The following ECT2 variants were observed in gnomAD, a reference collection of about 807,000 sequenced individuals.
ECT2 encodes protein ECT2.
A neutral mutation model predicts 116.9 loss-of-function variants in ECT2; 61 were observed. The ratio of observed to expected loss-of-function variants is 0.52; its 90% CI spans 0.42 to 0.65. The LOEUF (loss-of-function observed/expected upper bound fraction) is 0.65, where lower values mean the gene tolerates loss of function less well. ECT2 is among the 30% of genes least tolerant of loss of function. The pLI is 0.00. For missense variants in ECT2, 937 were observed against 1,078.7 expected (o/e 0.87, Z 1.84); for synonymous variants, 358 against 346.4 (o/e 1.03, Z -0.37).
chr3:172,826,815 AG>A, the ECT2 span, among the ~76,000 whole-genome samples: 2 of 152,342 alleles, frequency 1.3e-5, no homozygotes, highest in South Asian at 2.1e-4. Flanking sequence ...TCAAGCTAAA[AG>A]GCATCTTTAC....
At chr3:172,817,693 A>G (rs146610641) in intron 24 of ECT2, among the ~76,000 whole-genome samples, 133 of 152,224 alleles carry the variant, frequency 8.7e-4, no homozygotes, top group African/African-American at 2.1e-3. Context: ...TAATACTACT[A>G]TTACTAAGTA....
chr3:172,752,176 C>T (rs1715998053), intron 1 of ECT2: 2 of 150,380 alleles, frequency 1.3e-5, no homozygotes, highest in Non-Finnish European at 3.0e-5. Context: ...GTTACCTAGA[C>T]TGGAGTGCAG....
intron 24 of ECT2, chr3:172,818,851 G>GAA (rs370074442): frequency 4.9e-6 from 5 of 1,027,162 alleles, no homozygotes; most frequent in East Asian, 1.5e-4. Flanking sequence ...GTATTTGCGG[G>GAA]AAAAAAAAAA....
chr3:172,829,073 C>T, the ECT2 span: 1 of 706,530 alleles, frequency 1.4e-6, no homozygotes, highest in South Asian at 1.4e-5. Flanking sequence ...GATGAACTCT[C>T]TGGGCTATTC....
At chr3:172,763,323 C>CT (rs1718708271) in intron 11 of ECT2, among the ~76,000 whole-genome samples, 1 of 152,188 alleles carries the variant, frequency 6.6e-6, no homozygotes, top group African/African-American at 2.4e-5. Context: ...TAGCCTCGCT[C>CT]TGAGAGACTC....
chr3:172,765,118 A>C (rs929517339), intron 12 of ECT2, among the ~76,000 whole-genome samples: 5 of 152,180 alleles, frequency 3.3e-5, no homozygotes, highest in African/African-American at 9.7e-5. Flanking sequence ...AATTACTTTG[A>C]TCTATTGTCT....
intron 22 of ECT2, among the ~76,000 whole-genome samples, chr3:172,813,068 T>C (rs1729056697): frequency 6.6e-6 from 1 of 152,078 alleles, no homozygotes; most frequent in Non-Finnish European, 1.5e-5. Flanking sequence ...TTCAGTTGTT[T>C]TACAAACGAT....
At chr3:172,826,180 C>T (rs1200564713), downstream of ECT2, among the ~76,000 whole-genome samples, 2 of 152,208 alleles carry the variant, frequency 1.3e-5, no homozygotes, top group African/African-American at 2.4e-5. Flanking sequence ...CAGGTGTGAG[C>T]CACCTCGCCC....
chr3:172,761,280 G>A (rs574376762), intron 7 of ECT2, among the ~76,000 whole-genome samples: 14 of 152,042 alleles, frequency 9.2e-5, no homozygotes, highest in Admixed American at 7.9e-4. Flanking sequence ...TGACTTAGTC[G>A]GATGTCTTCT....
At chr3:172,818,549 T>C (rs1261270971) in intron 24 of ECT2, 1 of 1,272,084 alleles carries the variant, frequency 7.9e-7, no homozygotes, top group Admixed American at 2.5e-5. Flanking sequence ...TTCTAACAGA[T>C]TACCCATTCT....
chr3:172,776,504 CCATCTATTGAGCATTACCA>C (rs1306096583), intron 14 of ECT2, among the ~76,000 whole-genome samples: 2 of 151,970 alleles, frequency 1.3e-5, no homozygotes, highest in East Asian at 3.8e-4. Flanking sequence ...ATGAAGCCAA[CCATCTATTGAGCATTACCA>C]CATCTATTGA....
At chr3:172,773,463 T>C (rs1721038127) in intron 13 of ECT2, among the ~76,000 whole-genome samples, 1 of 152,092 alleles carries the variant, frequency 6.6e-6, no homozygotes, top group Non-Finnish European at 1.5e-5. Context: ...TACAAACAGA[T>C]CTTCTAGCTT....
intron 18 of ECT2, among the ~76,000 whole-genome samples, chr3:172,799,656 T>C (rs1726361074): frequency 6.6e-6 from 1 of 152,226 alleles, no homozygotes; most frequent in South Asian, 2.1e-4. Flanking sequence ...TTCAACCCAG[T>C]TCTAAAATAC....
chr3:172,772,860 A>G (rs1265075052), intron 13 of ECT2, among the ~76,000 whole-genome samples: 1 of 152,160 alleles, frequency 6.6e-6, no homozygotes, highest in East Asian at 1.9e-4. Context: ...CGTTTGTTGA[A>G]AGACTATCCT....
intron 11 of ECT2, among the ~76,000 whole-genome samples, chr3:172,763,739 C>T (rs145648166): frequency 6.6e-6 from 1 of 152,264 alleles, no homozygotes; most frequent in East Asian, 1.9e-4. Flanking sequence ...GGAAGATTTA[C>T]TTCAGTTTAG....
At chr3:172,782,706 T>C (rs991962847) in intron 15 of ECT2, among the ~76,000 whole-genome samples, 4 of 152,158 alleles carry the variant, frequency 2.6e-5, no homozygotes, top group African/African-American at 9.6e-5. Flanking sequence ...CACCTTCCAG[T>C]AGGCCCCAGG....
chr3:172,778,250 G>A (rs553571949), intron 14 of ECT2, among the ~76,000 whole-genome samples: 2 of 152,136 alleles, frequency 1.3e-5, no homozygotes, highest in East Asian at 1.9e-4. Flanking sequence ...AGAATTGTCC[G>A]TTCTTTTAGA....
Position 172,751,614 on chromosome 3 carries a change from G to T in ECT2, c.-23+757G>T, listed in dbSNP as rs546023859. Among the ~76,000 whole-genome samples, 28 of 151,820 alleles carry T rather than the reference G, an allele frequency of 1.8e-4. 1 individual carries two copies. In the South Asian group the frequency reaches 5.8e-3, roughly 31 times the overall value. ...TTAATAACACCACCATTATATCTTG[G>T]ATTGCATTTTAGTCCTTCACCTTGG... is the stretch of plus-strand genomic sequence containing the variant. On this transcript the variant is annotated intron_variant, in intron 1 of 24. Transcript: ENST00000392692.
chr3:172,762,125 A>G (rs1318578137), intron 8 of ECT2, among the ~76,000 whole-genome samples: 3 of 152,138 alleles, frequency 2.0e-5, no homozygotes, highest in Non-Finnish European at 2.9e-5. Context: ...TTTAGATTTC[A>G]TGAAAGCCTT....
Sources: allele counts gnomAD v4.1 joint callset (sites outside exome capture counted in the v4.1 genomes callset), GRCh38; gene constraint gnomAD v4.1.1; transcripts MANE v1.5; gene names NCBI Gene and HGNC (gene_info 2026-07-23, HGNC 2026-07-21).